Variants in EML1 observed in about 807,000 individuals in gnomAD.
EML1 encodes echinoderm microtubule-associated protein-like 1.
In EML1, 27 loss-of-function variants were observed where a neutral mutation model predicts 110.4. That is an observed-to-expected ratio of 0.24 (90% CI 0.18 to 0.34). The LOEUF is 0.34. Among genes scored for constraint, EML1 ranks in the 10% least tolerant of loss-of-function variants. The probability of loss-of-function intolerance (pLI) is 1.00; values close to 1 mark genes in which losing one functional copy is unlikely to be tolerated. For synonymous variants in EML1, 344 were observed against 385.8 expected (o/e 0.89, Z 1.27); for missense variants, 741 against 1,030.9 (o/e 0.72, Z 3.85).
intron 4 of EML1, among the ~76,000 whole-genome samples, chr14:99,886,311 G>T (rs2059474090): frequency 6.6e-6 from 1 of 152,108 alleles, no homozygotes; most frequent in Non-Finnish European, 1.5e-5. Context: ...GCGGAACCCT[G>T]TCTCTACAAA....
chr14:99,898,409 T>C (rs1490224139), intron 8 of EML1, 107 bp downstream of exon 8: 10 of 1,028,820 alleles, frequency 9.7e-6, no homozygotes, highest in South Asian at 1.9e-5. Flanking sequence ...AATTATGGTA[T>C]CTGAAAACTT....
intron 2 of EML1, among the ~76,000 whole-genome samples, chr14:99,854,329 A>G (rs974292349): frequency 6.6e-6 from 1 of 152,246 alleles, no homozygotes; most frequent in African/African-American, 2.4e-5. Flanking sequence ...TTGGCTGACT[A>G]TCATTCTTCA....
chr14:99,934,280 C>T (rs2060427603), intron 17 of EML1, among the ~76,000 whole-genome samples: 1 of 152,244 alleles, frequency 6.6e-6, no homozygotes. Context: ...GCCTCATCAG[C>T]AGCCGATGAC....
At chr14:99,897,361 G>C in intron 7 of EML1, 67 bp downstream of exon 7, 1 of 1,494,656 alleles carries the variant, frequency 6.7e-7, no homozygotes, top group Non-Finnish European at 9.0e-7. Context: ...TTGAGGCCAG[G>C]AGTTCCAGAC....
At chr14:99,756,649 G>A (rs373016763) in intron 1 of EML1, among the ~76,000 whole-genome samples, 1 of 152,150 alleles carries the variant, frequency 6.6e-6, no homozygotes, top group Non-Finnish European at 1.5e-5. Context: ...GTTCTCAAAC[G>A]CTGGTGGGCA....
chr14:99,928,006 A>G (rs146990344), intron 17 of EML1, among the ~76,000 whole-genome samples: 1 of 534 alleles, frequency 1.9e-3, no homozygotes, highest in Non-Finnish European at 2.7e-3. Flanking sequence ...GTGGTGGTGG[A>G]GGTGGTGGTG....
intron 1 of EML1, among the ~76,000 whole-genome samples, chr14:99,849,249 G>A (rs1265708734): frequency 6.6e-6 from 1 of 152,086 alleles, no homozygotes; most frequent in Admixed American, 6.6e-5. Context: ...GTAAAATTCT[G>A]AATTTAGTTT....
At chr14:99,798,592 A>G (rs1369794212) in intron 1 of EML1, among the ~76,000 whole-genome samples, 1 of 151,988 alleles carries the variant, frequency 6.6e-6, no homozygotes, top group Non-Finnish European at 1.5e-5. Flanking sequence ...GGGTTTCACC[A>G]TGTTGGCCAG....
chr14:99,776,788 G>A (rs530325885), intron 1 of EML1, among the ~76,000 whole-genome samples: 8 of 152,232 alleles, frequency 5.3e-5, no homozygotes, highest in Admixed American at 2.6e-4. Context: ...CTACAGCCAC[G>A]TCGATTTCTC....
At chr14:99,787,847 T>C (rs1270370581) in intron 1 of EML1, among the ~76,000 whole-genome samples, 2 of 152,190 alleles carry the variant, frequency 1.3e-5, no homozygotes, top group Non-Finnish European at 2.9e-5. Flanking sequence ...ACCAGTCATA[T>C]TGGATTCGGG....
intron 1 of EML1, among the ~76,000 whole-genome samples, chr14:99,775,787 A>G (rs2057475371): frequency 6.6e-6 from 1 of 152,214 alleles, no homozygotes; most frequent in South Asian, 2.1e-4. Context: ...ATATGCATAT[A>G]ACTTATTAGC....
intron 1 of EML1, among the ~76,000 whole-genome samples, chr14:99,747,213 AAAG>A (rs941446665): frequency 6.6e-6 from 1 of 151,240 alleles, no homozygotes; most frequent in Non-Finnish European, 1.5e-5. Context: ...AAAAGGAAGA[AAAG>A]AAAAACAGTC....
At chr14:99,852,957 C>T (rs897760216) in intron 2 of EML1, among the ~76,000 whole-genome samples, 2 of 152,132 alleles carry the variant, frequency 1.3e-5, no homozygotes, top group African/African-American at 2.4e-5. Flanking sequence ...TCTTGACCTA[C>T]CAGCTTTCCA....
chr14:99,884,637 C>G (rs557281603), intron 4 of EML1, among the ~76,000 whole-genome samples: 23 of 152,066 alleles, frequency 1.5e-4, no homozygotes, highest in Non-Finnish European at 2.8e-4. Flanking sequence ...GCAATCAAGC[C>G]CAGACCTAAT....
intron 1 of EML1, among the ~76,000 whole-genome samples, chr14:99,758,353 C>A (rs2057278899): frequency 6.6e-6 from 1 of 152,164 alleles, no homozygotes; most frequent in Non-Finnish European, 1.5e-5. Context: ...TTCTGGAGTT[C>A]TGCCAACATG....
rs892768899 is a variant in EML1, at chr14:99,739,638, C to T, written c.28+1778C>T. On this transcript the variant is annotated intron_variant, in intron 1 of 10. Coordinates refer to the EML1 transcript ENST00000554479. ...TGGTTTTCCCATCTATAGAATGCCACGTGACGGTCTTTTGTCTCTAATATG... is the reference window on the plus strand; with the variant it reads ...TGGTTTTCCCATCTATAGAATGCCATGTGACGGTCTTTTGTCTCTAATATG... Among the ~76,000 whole-genome samples, 5 of 152,140 alleles carry T rather than the reference C, an allele frequency of 3.3e-5. No homozygotes were observed. In the South Asian group the frequency reaches 6.2e-4, roughly 19 times the overall value.
At chr14:99,869,012 T>A (rs1483736480) in intron 3 of EML1, among the ~76,000 whole-genome samples, 2 of 152,228 alleles carry the variant, frequency 1.3e-5, no homozygotes, top group African/African-American at 4.8e-5. Flanking sequence ...TTTTCATATG[T>A]CTCCGGATAT....
intron 3 of EML1, among the ~76,000 whole-genome samples, chr14:99,875,730 A>G (rs377013425): frequency 4.8e-4 from 73 of 152,324 alleles, no homozygotes; most frequent in African/African-American, 1.7e-3. Flanking sequence ...AATCCTGCTA[A>G]GTCAAATTAG....
At position 99,908,227 on chromosome 14, in the gene EML1, A is replaced by G. The variant is rs148598654; in HGVS notation, c.1104+494A>G. On this transcript the variant is annotated intron_variant, in intron 10 of 21. Coordinates refer to ENST00000262233, the MANE Select transcript of EML1 (RefSeq NM_004434.3). ...CAGCGGGAGCCCCGAGCTAAACCCC[A>G]AATCCTTCCCAACAGGATTCCTCCT... Among the ~76,000 whole-genome samples the G allele has an allele frequency of 2.7e-3, 409 of 152,312 alleles. 6 individuals are homozygous for G. Among genetic ancestry groups the G allele is most frequent in the Admixed American group, 0.019 (290 of 15,310 alleles).
Sources: allele counts gnomAD v4.1 joint callset (sites outside exome capture counted in the v4.1 genomes callset), GRCh38; gene constraint gnomAD v4.1.1; transcripts MANE v1.5; gene names NCBI Gene and HGNC (gene_info 2026-07-23, HGNC 2026-07-21).